SNX29: variants seen among roughly 807,000 people sequenced by gnomAD.
SNX29 encodes the protein sorting nexin 29.
In SNX29, 78 loss-of-function variants were observed where a neutral mutation model predicts 102.1. That is an observed-to-expected ratio of 0.76 (90% confidence interval 0.64 to 0.92). The LOEUF is 0.92. SNX29 is among the 40% of genes least tolerant of loss of function. The pLI is 0.00. For missense variants in SNX29, 1,280 were observed against 1,061.7 expected (o/e 1.21, Z -2.86); for synonymous variants, 580 against 414.5 (o/e 1.40, Z -4.85).
intron 3 of SNX29, among the ~76,000 whole-genome samples, chr16:12,025,968 G>A (rs1426920606): frequency 2.6e-5 from 4 of 152,168 alleles, no homozygotes; most frequent in Admixed American, 2.6e-4. Context: ...GGAGATAATA[G>A]TACGTGCCTC....
chr16:12,161,492 C>A (rs577768094), intron 13 of SNX29, among the ~76,000 whole-genome samples: 1 of 152,170 alleles, frequency 6.6e-6, no homozygotes, highest in Non-Finnish European at 1.5e-5. Flanking sequence ...TGATGCTGGG[C>A]TCCAGTAGCC....
chr16:12,428,131 CT>C (rs1268952355), intron 18 of SNX29, among the ~76,000 whole-genome samples: 1 of 152,210 alleles, frequency 6.6e-6, no homozygotes, highest in Non-Finnish European at 1.5e-5. Flanking sequence ...CTGTAATTCC[CT>C]GCCTCATCAC....
intron 15 of SNX29, among the ~76,000 whole-genome samples, chr16:12,354,022 G>A (rs2082063941): frequency 6.6e-6 from 1 of 152,362 alleles, no homozygotes; most frequent in East Asian, 1.9e-4. Context: ...CCAAGAGGCA[G>A]TGGTTGTGCA....
chr16:12,303,131 G>A (rs2080231029), intron 15 of SNX29, among the ~76,000 whole-genome samples: 1 of 152,202 alleles, frequency 6.6e-6, no homozygotes, highest in Admixed American at 6.5e-5. Context: ...CTGTCTGTCT[G>A]TTGCAGGCTG....
chr16:12,252,036 G>A (rs76712988), intron 14 of SNX29, among the ~76,000 whole-genome samples: 2,670 of 152,190 alleles, frequency 0.018, 94 homozygotes, highest in African/African-American at 0.061. Context: ...GTGGGATTAC[G>A]GATATGAGCC....
intron 18 of SNX29, among the ~76,000 whole-genome samples, chr16:12,457,784 T>C (rs368042581): frequency 1.3e-5 from 2 of 152,204 alleles, no homozygotes; most frequent in East Asian, 3.9e-4. Flanking sequence ...AATTGAATGC[T>C]ATCTTACGGG....
intron 11 of SNX29, among the ~76,000 whole-genome samples, chr16:12,116,778 C>G (rs2053722804): frequency 6.6e-6 from 1 of 152,174 alleles, no homozygotes; most frequent in African/African-American, 2.4e-5. Context: ...TGGAAACAGG[C>G]TTAGTCAATA....
chr16:12,479,297 C>G (rs564258370), intron 19 of SNX29, among the ~76,000 whole-genome samples: 1 of 152,226 alleles, frequency 6.6e-6, no homozygotes, highest in African/African-American at 2.4e-5. Context: ...CAGGAGGTAC[C>G]GTGCTAGCAT....
chr16:12,368,985 C>T (rs1304039011), intron 16 of SNX29, among the ~76,000 whole-genome samples: 3 of 152,262 alleles, frequency 2.0e-5, no homozygotes, highest in Admixed American at 2.0e-4. Context: ...TGCAGGAAGG[C>T]CTGCTCTGAT....
intron 2 of SNX29, among the ~76,000 whole-genome samples, chr16:11,999,569 G>A (rs528792452): frequency 8.5e-5 from 13 of 152,258 alleles, no homozygotes; most frequent in Admixed American, 8.5e-4. Context: ...AATTCCCAAA[G>A]CCCTCTAGAG....
At chr16:12,149,985 C>T (rs914273552) in intron 13 of SNX29, among the ~76,000 whole-genome samples, 1 of 152,128 alleles carries the variant, frequency 6.6e-6, no homozygotes, top group Non-Finnish European at 1.5e-5. Flanking sequence ...TGGCTGTATC[C>T]TGGAATTCTG....
chr16:12,526,813 C>T (rs1453275148), intron 20 of SNX29: 1 of 405,124 alleles, frequency 2.5e-6, no homozygotes, highest in African/African-American at 2.0e-5. Context: ...CCAGGCATCT[C>T]CGGTCCAGTG....
chr16:12,366,508 G>A (rs2082486745), intron 16 of SNX29, among the ~76,000 whole-genome samples: 1 of 152,160 alleles, frequency 6.6e-6, no homozygotes. Context: ...TGCAGGGCCC[G>A]GAGGAGAGGA....
At chr16:11,979,018 G>T (rs547891333) in intron 1 of SNX29, among the ~76,000 whole-genome samples, 32 of 152,120 alleles carry the variant, frequency 2.1e-4, no homozygotes, top group Admixed American at 1.1e-3. Context: ...GCTCACACCT[G>T]TAATCTCAGC....
At chr16:12,115,620 C>G (rs1345858813) in intron 11 of SNX29, among the ~76,000 whole-genome samples, 1 of 152,118 alleles carries the variant, frequency 6.6e-6, no homozygotes, top group East Asian at 1.9e-4. Flanking sequence ...TGTGCCATCT[C>G]TTCTTGCAGA....
intron 18 of SNX29, among the ~76,000 whole-genome samples, chr16:12,446,527 G>A (rs1258441388): frequency 6.6e-6 from 1 of 152,232 alleles, no homozygotes; most frequent in Non-Finnish European, 1.5e-5. Flanking sequence ...GGGACCCACT[G>A]TGTGCTCAAT....
intron 13 of SNX29, among the ~76,000 whole-genome samples, chr16:12,184,123 G>T (rs2141854464): frequency 6.6e-6 from 1 of 152,264 alleles, no homozygotes; most frequent in Admixed American, 6.5e-5. Context: ...TCTTGCGTGA[G>T]ATCCAAGAAC....
intron 17 of SNX29, among the ~76,000 whole-genome samples, chr16:12,402,225 G>A (rs1207653870): frequency 6.6e-6 from 1 of 152,228 alleles, no homozygotes; most frequent in Non-Finnish European, 1.5e-5. Flanking sequence ...GCTCAGAGAT[G>A]AGAAGAAATG....
chr16:12,032,162 C>T (rs1219227818), intron 4 of SNX29, among the ~76,000 whole-genome samples: 8 of 150,592 alleles, frequency 5.3e-5, no homozygotes, highest in African/African-American at 1.9e-4. Context: ...AAGGATCGTC[C>T]GTGTTGTAGT....
Sources: gnomAD v4.1 joint callset for allele counts (sites outside exome capture counted in the v4.1 genomes callset) on GRCh38, gnomAD v4.1.1 for gene constraint, MANE v1.5 for transcripts, NCBI Gene and HGNC (gene_info 2026-07-23, HGNC 2026-07-21) for gene names.